The following DYRK4 variants were observed in gnomAD, a reference collection of about 807,000 sequenced individuals.
DYRK4 encodes dual specificity tyrosine-phosphorylation-regulated kinase 4.
In DYRK4, 64 loss-of-function variants were observed where a neutral mutation model predicts 68.3. That is an observed-to-expected ratio of 0.94 (90% CI 0.77 to 1.15). The LOEUF is 1.15. Ranked by LOEUF, DYRK4 falls within the 50% of genes most tolerant of loss-of-function variation. DYRK4 has a pLI of 0.00. For missense variants in DYRK4, 740 were observed against 764.7 expected (o/e 0.97, Z 0.38); for synonymous variants, 274 against 289.9 (o/e 0.95, Z 0.56).
intron 2 of DYRK4, among the ~76,000 whole-genome samples, chr12:4,572,664 G>C (rs1944744821): frequency 6.6e-6 from 1 of 152,168 alleles, no homozygotes; most frequent in Admixed American, 6.5e-5. Flanking sequence ...CCAGGTGTGA[G>C]ACCTCAGGTC....
chr12:4,577,520 G>C (rs1212248645), intron 2 of DYRK4, among the ~76,000 whole-genome samples: 1 of 152,190 alleles, frequency 6.6e-6, no homozygotes. Context: ...GTGCCACACT[G>C]TCTTGATCGC....
At chr12:4,562,772 C>A (rs1373156342) in intron 1 of DYRK4, among the ~76,000 whole-genome samples, 1 of 152,248 alleles carries the variant, frequency 6.6e-6, no homozygotes, top group Non-Finnish European at 1.5e-5. Context: ...TGCCCGGGCA[C>A]CTCTGTGCTC....
chr12:4,573,246 T>G, intron 2 of DYRK4: 1 of 1,167,408 alleles, frequency 8.6e-7, no homozygotes, highest in Non-Finnish European at 1.1e-6. Context: ...AAGATAGGCA[T>G]TTACTTCTAT....
chr12:4,579,847 T>C (rs4766257), intron 2 of DYRK4, among the ~76,000 whole-genome samples: 53,388 of 152,086 alleles, frequency 0.35, 10,852 homozygotes, highest in Middle Eastern at 0.48. Context: ...GGGGAAGTTC[T>C]TTATAATCCC....
intron 2 of DYRK4, among the ~76,000 whole-genome samples, chr12:4,575,983 A>C (rs1030097964): frequency 6.6e-6 from 1 of 152,204 alleles, no homozygotes; most frequent in Admixed American, 6.5e-5. Context: ...TTTTACATTC[A>C]TGTATAGTTG....
At chr12:4,609,368 C>G (rs532258489) in intron 12 of DYRK4, among the ~76,000 whole-genome samples, 1 of 152,168 alleles carries the variant, frequency 6.6e-6, no homozygotes, top group African/African-American at 2.4e-5. Flanking sequence ...ACCCAGGATT[C>G]GACGTTTTTA....
intron 2 of DYRK4, among the ~76,000 whole-genome samples, chr12:4,587,635 G>A (rs887306): frequency 0.68 from 103,390 of 152,034 alleles, 36,592 homozygotes; most frequent in Non-Finnish European, 0.78. Context: ...AATCCTAAAT[G>A]TAGCACATTA....
At chr12:4,577,406 A>G (rs1944800572) in intron 2 of DYRK4, among the ~76,000 whole-genome samples, 1 of 152,118 alleles carries the variant, frequency 6.6e-6, no homozygotes, top group African/African-American at 2.4e-5. Context: ...TTCTCCATTG[A>G]ATTGATTTTG....
In DYRK4 at chr12:4,567,998, C is replaced by A. The variant is rs1423481304; in HGVS notation, c.82C>A (p.Pro28Thr). Residue 28 changes from proline to threonine, a missense_variant, in exon 2 of 15, where the codon CCC becomes ACC. Pro to Thr is a conservative substitution (Grantham distance 38). Around this residue, in one of 3 missense-constraint regions of DYRK4, gnomAD observed 70 missense variants for 71.1 expected, o/e 0.98. Transcript: ENST00000543431. ...AKKPRKCDLT[P>T]FLVLKARKKQ... ...AAAGCCAAGGAAATGTGATTTGACT[C>A]CCTTCCTGGTTTTGAAAGCAAGAAA... 1 of 1,536,016 alleles carries A rather than the reference C, an allele frequency of 6.5e-7. No individual in the cohort carries two copies. The highest frequency in any genetic ancestry group is 1.4e-5 in the African/African-American group (1 of 73,034).
Position 4,607,405 on chromosome 12 carries a change from T to C in DYRK4, c.1360+18T>C. The C allele has an allele frequency of 6.2e-7, 1 of 1,613,930 alleles. No individual in the cohort carries two copies. Among genetic ancestry groups the C allele is most frequent in the Non-Finnish European group, 8.5e-7 (1 of 1,179,868 alleles). On this transcript the variant is annotated intron_variant, in intron 12 of 14. Transcript: ENST00000543431. ...ATTCTTTGGTAAGTCCTAGTGTGTC[T>C]CATGAGGTGTCACAGGCCTTGAAGA...
At chr12:4,597,099 A>C in intron 8 of DYRK4, 1 of 1,088,100 alleles carries the variant, frequency 9.2e-7, no homozygotes, top group Admixed American at 5.3e-5. Flanking sequence ...CAGAGGCTGA[A>C]ACCCAAAGGA....
rs756498137 is a variant in DYRK4, at chr12:4,613,282, T to C, written c.1667-233T>C. ...ACCTCTCTGTAGCTCAGTATCTCCA[T>C]TTATGAGAATGAGAATAAAGCCTGT... On this transcript the variant is annotated intron_variant, in intron 14 of 14. Transcript: ENST00000543431. This position sits in a 1 kb window ranked among gnomAD's most constrained non-coding sequence, Gnocchi z 4.0. Among the ~76,000 whole-genome samples the C allele has an allele frequency of 6.6e-5, 10 of 152,220 alleles. No homozygotes were observed. The highest frequency in any genetic ancestry group is 1.5e-4 in the Non-Finnish European group (10 of 68,030).
chr12:4,573,591 G>C (rs991374377), intron 2 of DYRK4, among the ~76,000 whole-genome samples: 2 of 152,102 alleles, frequency 1.3e-5, no homozygotes, highest in African/African-American at 4.8e-5. Context: ...GTTGAAGGTG[G>C]GGATAAGGAG....
chr12:4,568,125 G>A, intron 2 of DYRK4, 77 bp downstream of exon 2: 1 of 1,332,414 alleles, frequency 7.5e-7, no homozygotes. Context: ...CAGTGCTGAT[G>A]GTTGTGCCCC....
chr12:4,574,361 T>A (rs1365219181), intron 2 of DYRK4, among the ~76,000 whole-genome samples: 1 of 152,244 alleles, frequency 6.6e-6, no homozygotes, highest in Non-Finnish European at 1.5e-5. Flanking sequence ...CTAATTTTCT[T>A]TATCTGTTTC....
At chr12:4,606,794 C>T (rs1443231768) in intron 11 of DYRK4, among the ~76,000 whole-genome samples, 1 of 152,116 alleles carries the variant, frequency 6.6e-6, no homozygotes, top group Admixed American at 6.5e-5. Flanking sequence ...GGGTGGGAAC[C>T]GAGCAGCAAG....
intron 10 of DYRK4, chr12:4,602,214 CT>C: frequency 1.0e-6 from 1 of 965,636 alleles, no homozygotes; most frequent in Non-Finnish European, 1.7e-6. Context: ...TGTCTTCAAT[CT>C]GCTTTGCTTG....
intron 2 of DYRK4, among the ~76,000 whole-genome samples, chr12:4,571,620 G>T (rs7960407): frequency 0.061 from 9,310 of 152,076 alleles, 492 homozygotes; most frequent in African/African-American, 0.14. Context: ...TATTTATATC[G>T]TATTGTAGTT....
At chr12:4,612,816 C>G in intron 14 of DYRK4, 98 bp downstream of exon 14, 1 of 1,303,336 alleles carries the variant, frequency 7.7e-7, no homozygotes, top group Non-Finnish European at 1.1e-6. Flanking sequence ...AGCCCCAGTT[C>G]TGTAGTCTGG....
Sources: allele counts gnomAD v4.1 joint callset (sites outside exome capture counted in the v4.1 genomes callset), GRCh38; gene constraint gnomAD v4.1.1; regional missense constraint gnomAD v4.1.1; non-coding constraint Gnocchi (gnomAD v3.1); transcripts MANE v1.5; gene names NCBI Gene and HGNC (gene_info 2026-07-23, HGNC 2026-07-21).